Variants in GLRA2 observed in about 807,000 individuals in gnomAD.
GLRA2 encodes glycine receptor subunit alpha-2.
A neutral mutation model predicts 31.6 loss-of-function variants in GLRA2; 11 were observed. The observed-to-expected ratio is 0.35, with a 90% confidence interval of 0.22 to 0.58. The LOEUF is 0.58. Ranked by LOEUF, GLRA2 falls within the 20% of genes least tolerant of loss-of-function variation. The pLI is 0.84. For synonymous variants in GLRA2, 132 were observed against 134.0 expected (o/e 0.99, Z 0.10); for missense variants, 212 against 351.8 (o/e 0.60, Z 3.18).
At chrX:14,493,388 G>A in the GLRA2 span, among the ~76,000 whole-genome samples, 1 of 108,313 alleles carries the variant, frequency 9.2e-6, no homozygotes, top group Non-Finnish European at 1.9e-5. Context: ...AAATACTTAT[G>A]TGAAATGAAA....
chrX:14,714,459 G>A (rs551453183), intron 8 of GLRA2, among the ~76,000 whole-genome samples: 57 of 111,812 alleles, frequency 5.1e-4, no homozygotes, highest in African/African-American at 1.8e-3. Context: ...CCACCATTAT[G>A]AGAAGAAATA....
At chrX:14,713,701 G>A (rs1037711479) in intron 8 of GLRA2, among the ~76,000 whole-genome samples, 3 of 111,262 alleles carry the variant, frequency 2.7e-5, no homozygotes, top group African/African-American at 9.8e-5. Context: ...TTCAGAGTTT[G>A]CATGGCCCAC....
chrX:14,482,688 G>A, the GLRA2 span, among the ~76,000 whole-genome samples: 1 of 110,240 alleles, frequency 9.1e-6, no homozygotes, highest in Non-Finnish European at 1.9e-5. Context: ...TAAAATTGAA[G>A]GTCCTAAAAT....
chrX:14,686,290 T>G (rs188713273), intron 7 of GLRA2, among the ~76,000 whole-genome samples: 236 of 111,755 alleles, frequency 2.1e-3, no homozygotes, highest in African/African-American at 5.0e-3. Context: ...TGTATATTCT[T>G]TTGATTTGGG....
At chrX:14,536,044 C>T (rs956185142) in intron 2 of GLRA2, among the ~76,000 whole-genome samples, 15 of 112,003 alleles carry the variant, frequency 1.3e-4, no homozygotes, top group Non-Finnish European at 1.7e-4. Context: ...GTAGATAATG[C>T]CAGGAGATAA....
chrX:14,688,772 G>T (rs1247706444), intron 7 of GLRA2, among the ~76,000 whole-genome samples: 1 of 110,163 alleles, frequency 9.1e-6, no homozygotes, highest in African/African-American at 3.3e-5. Flanking sequence ...GCCTCACCCT[G>T]GTCCGGCTCA....
At chrX:14,623,499 C>T (rs1333488337) in intron 7 of GLRA2, among the ~76,000 whole-genome samples, 20 of 110,986 alleles carry the variant, frequency 1.8e-4, no homozygotes, top group Non-Finnish European at 3.6e-4. Context: ...TCATAAATAG[C>T]TCTTATTATT....
chrX:14,686,074 G>A (rs751162168), intron 7 of GLRA2, among the ~76,000 whole-genome samples: 7 of 111,872 alleles, frequency 6.3e-5, no homozygotes, highest in African/African-American at 2.3e-4. Flanking sequence ...TATGTACCCA[G>A]TAGTCATTCA....
intron 3 of GLRA2, among the ~76,000 whole-genome samples, chrX:14,575,836 C>T (rs1778855337): frequency 9.0e-6 from 1 of 111,486 alleles, no homozygotes; most frequent in African/African-American, 3.3e-5. Context: ...GTCTTACCCC[C>T]ACAGGGTTCT....
At chrX:14,658,910 A>G (rs1395945090) in intron 7 of GLRA2, among the ~76,000 whole-genome samples, 1 of 112,455 alleles carries the variant, frequency 8.9e-6, no homozygotes, top group Non-Finnish European at 1.9e-5. Flanking sequence ...ATTGAGGATC[A>G]GAGACGGTTA....
At chrX:14,454,945 T>C in the GLRA2 span, among the ~76,000 whole-genome samples, 1 of 112,478 alleles carries the variant, frequency 8.9e-6, no homozygotes, top group African/African-American at 3.2e-5. Context: ...CTAATTAATA[T>C]GTTTCTAATT....
At chrX:14,525,537 A>G (rs1342321577), upstream of GLRA2, among the ~76,000 whole-genome samples, 3 of 111,756 alleles carry the variant, frequency 2.7e-5, no homozygotes, top group Non-Finnish European at 5.7e-5. Flanking sequence ...GAAATATTTT[A>G]TGTAACATAT....
intron 8 of GLRA2, among the ~76,000 whole-genome samples, chrX:14,692,189 T>C (rs775877346): frequency 8.9e-6 from 1 of 112,346 alleles, no homozygotes; most frequent in Admixed American, 9.4e-5. Context: ...AGGAACATTT[T>C]GTCCTGCCAT....
At chrX:14,542,910 T>C (rs1399910530) in intron 2 of GLRA2, among the ~76,000 whole-genome samples, 2 of 110,150 alleles carry the variant, frequency 1.8e-5, no homozygotes, top group African/African-American at 6.6e-5. Flanking sequence ...TGGAGTCCCC[T>C]TGGCTACAAG....
At chrX:14,655,012 C>A (rs1479827081) in intron 7 of GLRA2, among the ~76,000 whole-genome samples, 2 of 111,342 alleles carry the variant, frequency 1.8e-5, no homozygotes, top group Admixed American at 9.5e-5. Context: ...CACTGGGTCC[C>A]TCCCATAACA....
intron 7 of GLRA2, among the ~76,000 whole-genome samples, chrX:14,622,754 T>C (rs1377444175): frequency 8.9e-6 from 1 of 112,126 alleles, no homozygotes; most frequent in African/African-American, 3.2e-5. Context: ...TTGGTTACTG[T>C]AGCCTTGTAG....
chrX:14,596,994 C>G (rs774442980), intron 4 of GLRA2, among the ~76,000 whole-genome samples: 1 of 111,699 alleles, frequency 9.0e-6, no homozygotes, highest in African/African-American at 3.3e-5. Context: ...TTCCCTCCCT[C>G]TCTCCATGTG....
At chrX:14,650,480 G>A (rs1471863181) in intron 7 of GLRA2, among the ~76,000 whole-genome samples, 1 of 110,467 alleles carries the variant, frequency 9.1e-6, no homozygotes. Flanking sequence ...AATATTCCCT[G>A]TACCTTTCAC....
Position 14,730,738 on chromosome X carries a change from T to C in GLRA2, c.*253T>C, listed in dbSNP as rs2091982452. 2.9e-6 allele frequency: 1 copy of C among 345,237 alleles called. No individual in the cohort carries two copies. The highest frequency in any genetic ancestry group is 2.6e-5 in the African/African-American group (1 of 38,587). The allele number at this position is 345,237 out of a possible 1,213,427, so 28.5% of individuals were successfully genotyped here. ...TCCCTTCCATAATCTTTAGCATTGT[T>C]CTTTCAGTCAGACATGATATGCGCA... On this transcript the variant is annotated 3_prime_UTR_variant, in exon 9 of 9. Coordinates refer to ENST00000218075, the MANE Select transcript of GLRA2 (RefSeq NM_002063.4).
Sources: gnomAD v4.1 joint callset for allele counts (sites outside exome capture counted in the v4.1 genomes callset) on GRCh38, gnomAD v4.1.1 for gene constraint, MANE v1.5 for transcripts, NCBI Gene and HGNC (gene_info 2026-07-23, HGNC 2026-07-21) for gene names.